Variants in BTBD10 observed in about 807,000 individuals in gnomAD.
BTBD10 encodes the protein BTB domain containing 10.
In BTBD10, 21 loss-of-function variants were observed where a neutral mutation model predicts 53.2. The ratio of observed to expected loss-of-function variants is 0.39; its 90% CI spans 0.28 to 0.57. The LOEUF (loss-of-function observed/expected upper bound fraction) is 0.57, where lower values mean the gene tolerates loss of function less well. Ranked by LOEUF, BTBD10 falls within the 20% of genes least tolerant of loss-of-function variation. The pLI is 0.53. For missense variants in BTBD10, 360 were observed against 594.7 expected, an observed-to-expected ratio of 0.61 and a Z score of 4.10; for synonymous variants, 149 against 192.7, an observed-to-expected ratio of 0.77 and a Z score of 1.88.
chr11:13,454,978 T>C (rs1950933027), intron 1 of BTBD10, among the ~76,000 whole-genome samples: 1 of 152,206 alleles, frequency 6.6e-6, no homozygotes. Flanking sequence ...TGATGCAATC[T>C]CAGCTCACTG....
Position 13,419,554 on chromosome 11 carries a change from T to G in BTBD10, c.490A>C (p.Arg164=). Residue 164 remains arginine, a synonymous_variant, in exon 4 of 9, where the codon AGA becomes CGA. Coordinates refer to ENST00000278174, the MANE Select transcript of BTBD10 (RefSeq NM_032320.7). ...ENAKEGARNI[R]TSERVTLIVD... ...ATTAGTGTCACTCGTTCTGACGTTC[T>G]TATATTCCGAGCTCCTTCTTTTGCA... 6.2e-7 allele frequency: 1 copy of G among 1,614,174 alleles called. No homozygotes were observed. The highest frequency in any genetic ancestry group is 8.5e-7 in the Non-Finnish European group (1 of 1,180,004).
intron 8 of BTBD10, among the ~76,000 whole-genome samples, chr11:13,396,082 A>G (rs1425496562): frequency 6.6e-6 from 1 of 152,144 alleles, no homozygotes; most frequent in Admixed American, 6.5e-5. Flanking sequence ...GAAGAAAGTC[A>G]TTGGTAGCTT....
chr11:13,389,873 T>C (rs1462076516), intron 8 of BTBD10, among the ~76,000 whole-genome samples: 3 of 152,238 alleles, frequency 2.0e-5, no homozygotes, highest in Admixed American at 6.5e-5. Context: ...ATGAAAAAGC[T>C]GTACAGCTGT....
intron 2 of BTBD10, chr11:13,439,938 A>G: frequency 1.3e-6 from 2 of 1,534,910 alleles, no homozygotes; most frequent in Non-Finnish European, 1.7e-6. Context: ...AAATTTTGAA[A>G]TCAGAGTATA....
intron 1 of BTBD10, among the ~76,000 whole-genome samples, chr11:13,459,062 T>A (rs307243): frequency 0.35 from 41,798 of 119,024 alleles, 6,192 homozygotes; most frequent in Middle Eastern, 0.39. Flanking sequence ...TTATTTATTT[T>A]TTTTTTTTTT....
chr11:13,429,718 TAGAAATAAAA>T (rs1950411726), intron 2 of BTBD10, among the ~76,000 whole-genome samples: 5 of 151,832 alleles, frequency 3.3e-5, no homozygotes, highest in African/African-American at 1.2e-4. Context: ...ACAGAACTTC[TAGAAATAAAA>T]AGCCTAATGC....
chr11:13,409,650 T>A (rs1949898804), intron 6 of BTBD10, among the ~76,000 whole-genome samples: 1 of 152,186 alleles, frequency 6.6e-6, no homozygotes, highest in South Asian at 2.1e-4. Flanking sequence ...CAGCTTTCCC[T>A]CACTCTTTGC....
At chr11:13,447,842 C>T (rs977687788) in intron 1 of BTBD10, among the ~76,000 whole-genome samples, 1 of 151,982 alleles carries the variant, frequency 6.6e-6, no homozygotes, top group Non-Finnish European at 1.5e-5. Context: ...AAAAAATAAG[C>T]GGAATTCAAA....
rs140575940 is a variant in BTBD10 at position 13,390,519 on chromosome 11, T to C, written c.1118-1378A>G. ...CCACCACACCTGGCTAATTTTTGTA[T>C]TGTTGGTAGAGATGGGGTTTCACCA... is the stretch of plus-strand genomic sequence containing the variant. On this transcript the variant is annotated intron_variant, in intron 8 of 8. Coordinates refer to ENST00000278174, the MANE Select transcript of BTBD10 (RefSeq NM_032320.7). 2.2e-3 allele frequency among the ~76,000 whole-genome samples: 330 copies of C among 152,142 alleles called. 1 individual carries two copies. The highest frequency in any genetic ancestry group is 7.6e-3 in the African/African-American group (314 of 41,504).
chr11:13,423,726 A>AT (rs1206027565), intron 2 of BTBD10, among the ~76,000 whole-genome samples: 1 of 152,120 alleles, frequency 6.6e-6, no homozygotes, highest in Non-Finnish European at 1.5e-5. Flanking sequence ...TAGCTTTAAT[A>AT]TTTTTTGTTA....
At chr11:13,395,351 G>A (rs933326274) in intron 8 of BTBD10, among the ~76,000 whole-genome samples, 1 of 152,152 alleles carries the variant, frequency 6.6e-6, no homozygotes, top group African/African-American at 2.4e-5. Context: ...CCTTTGAGAA[G>A]TGTCTGTTCA....
chr11:13,424,453 C>G (rs1950299246), intron 2 of BTBD10, among the ~76,000 whole-genome samples: 1 of 152,190 alleles, frequency 6.6e-6, no homozygotes, highest in Non-Finnish European at 1.5e-5. Flanking sequence ...AACCCTGAAT[C>G]AGACCTTCAA....
At chr11:13,427,170 T>C (rs1054344327) in intron 2 of BTBD10, among the ~76,000 whole-genome samples, 8 of 152,152 alleles carry the variant, frequency 5.3e-5, no homozygotes, top group Non-Finnish European at 1.0e-4. Flanking sequence ...TGAGCGGAGA[T>C]CGCACCACTG....
At position 13,417,166 on chromosome 11, in the gene BTBD10, C is replaced by A; in HGVS notation, c.679G>T (p.Ala227Ser). 1 of 1,611,752 alleles carries A rather than the reference C, an allele frequency of 6.2e-7. No individual in the cohort carries two copies. Among genetic ancestry groups the A allele is most frequent in the South Asian group, 1.1e-5 (1 of 90,888 alleles). ...TCATAAGAAACACTCACCAGAATCGCTCGAAACACAGTGGAACCAATTCCC... is the reference window on the plus strand; with the variant it reads ...TCATAAGAAACACTCACCAGAATCGATCGAAACACAGTGGAACCAATTCCC... ...AEGIGSTVFR[A>S]ILDYYKTGII... Residue 227 changes from alanine (A) to serine (S), a missense_variant, in exon 5 of 9, where the codon GCG becomes TCG. By Grantham distance (99) the Ala-to-Ser change is moderately conservative (BLOSUM62 1). Coordinates refer to ENST00000278174, the MANE Select transcript of BTBD10 (RefSeq NM_032320.7).
At position 13,403,155 on chromosome 11, in the gene BTBD10, GAA is replaced by G. The variant is rs1949748108; in HGVS notation, c.1117+11_1117+12del. 7.2e-7 allele frequency: 1 copy of G among 1,396,096 alleles called. No homozygotes were observed. Among genetic ancestry groups the G allele is most frequent in the African/African-American group, 1.5e-5 (1 of 66,674 alleles). The allele number at this position is 1,396,096 out of a possible 1,614,324, so 86.5% of individuals were successfully genotyped here. ...AAAAAGAAAACTAATAGAAAATAATGAAAATGTCTTACCTTCTATTCCCAATC... is the reference window on the plus strand; with the variant it reads ...AAAAAGAAAACTAATAGAAAATAATGAATGTCTTACCTTCTATTCCCAATC... On this transcript the variant is annotated intron_variant, in intron 8 of 8. Coordinates refer to ENST00000278174, the MANE Select transcript of BTBD10 (RefSeq NM_032320.7).
At chr11:13,419,909 T>C (rs1950209182) in intron 3 of BTBD10, among the ~76,000 whole-genome samples, 164 bp from the exon 4 acceptor site, 1 of 152,220 alleles carries the variant, frequency 6.6e-6, no homozygotes, top group Admixed American at 6.5e-5. Flanking sequence ...AACATTCATT[T>C]AGTTCCCAGG....
intron 4 of BTBD10, among the ~76,000 whole-genome samples, chr11:13,418,874 A>G (rs1362604487): frequency 1.3e-5 from 2 of 152,090 alleles, no homozygotes; most frequent in African/African-American, 2.4e-5. Flanking sequence ...TGTGGTTCCC[A>G]TAACTGCAAA....
At chr11:13,406,045 C>T (rs1949817841) in intron 6 of BTBD10, among the ~76,000 whole-genome samples, 189 bp from the exon 7 acceptor site, 1 of 152,118 alleles carries the variant, frequency 6.6e-6, no homozygotes, top group African/African-American at 2.4e-5. Flanking sequence ...CTATCCCTAG[C>T]CTAGCGTATT....
At chr11:13,453,965 T>A (rs1406701674) in intron 1 of BTBD10, among the ~76,000 whole-genome samples, 2 of 152,066 alleles carry the variant, frequency 1.3e-5, no homozygotes, top group African/African-American at 4.8e-5. Context: ...GGCAGAAGAA[T>A]CGCTTGAACC....
Sources: gnomAD v4.1 joint callset for allele counts (sites outside exome capture counted in the v4.1 genomes callset) on GRCh38, gnomAD v4.1.1 for gene constraint, MANE v1.5 for transcripts, NCBI Gene and HGNC (gene_info 2026-07-23, HGNC 2026-07-21) for gene names.